Variants in CTNNA1 observed in about 807,000 individuals in gnomAD.
The protein encoded by CTNNA1 is catenin alpha-1.
CTNNA1 carries 37 observed loss-of-function variants against 98.4 expected under a neutral mutation model. That is an observed-to-expected ratio of 0.38 (90% CI 0.29 to 0.49). The LOEUF (loss-of-function observed/expected upper bound fraction) is 0.49, where lower values mean the gene tolerates loss of function less well. Among genes scored for constraint, CTNNA1 ranks in the 20% least tolerant of loss-of-function variants. The pLI is 0.95. For synonymous variants in CTNNA1, 404 were observed against 413.2 expected (o/e 0.98, Z 0.27); for missense variants, 761 against 1,147.2 (o/e 0.66, Z 4.86).
intron 13 of CTNNA1, among the ~76,000 whole-genome samples, chr5:138,926,130 G>C (rs1188399347): frequency 6.6e-6 from 1 of 152,126 alleles, no homozygotes; most frequent in Non-Finnish European, 1.5e-5. Context: ...CATTGTCTTT[G>C]TCATCCCCAG....
intron 3 of CTNNA1, among the ~76,000 whole-genome samples, chr5:138,795,090 C>CAAT (rs1221494772): frequency 3.6e-5 from 5 of 139,368 alleles, no homozygotes; most frequent in Non-Finnish European, 6.0e-5. Context: ...GTGAAGCTTG[C>CAAT]AATAAGCCAA....
At position 138,832,444 on chromosome 5, in the gene CTNNA1, G is replaced by A. The variant is rs1209576696; in HGVS notation, c.1062+4726G>A. On this transcript the variant is annotated intron_variant, in intron 7 of 17. Transcript: ENST00000302763. Reference sequence around the variant, plus strand: ...TTGTGGTTAAGTTTAATTTGTTTTGGCTCTGTCAGCCTAAAGTTGCTTTGC... The same window carrying A: ...TTGTGGTTAAGTTTAATTTGTTTTGACTCTGTCAGCCTAAAGTTGCTTTGC... Among the ~76,000 whole-genome samples, 5 of 152,250 alleles carry A rather than the reference G, an allele frequency of 3.3e-5. No individual in the cohort carries two copies. The East Asian group carries it at 5.8e-4, about 18-fold the overall frequency.
chr5:138,782,700 T>C (rs142513868), intron 2 of CTNNA1, among the ~76,000 whole-genome samples: 10 of 152,328 alleles, frequency 6.6e-5, no homozygotes, highest in Non-Finnish European at 1.3e-4. Context: ...CAATCATTCG[T>C]TTATTGGGAC....
At chr5:138,865,379 A>G (rs902645456) in intron 7 of CTNNA1, among the ~76,000 whole-genome samples, 1 of 152,224 alleles carries the variant, frequency 6.6e-6, no homozygotes, top group Non-Finnish European at 1.5e-5. Context: ...GCCTTTATCA[A>G]GGGTCCTGAT....
chr5:138,766,453 T>TTC, intron 1 of CTNNA1, among the ~76,000 whole-genome samples: 1 of 148,312 alleles, frequency 6.7e-6, no homozygotes, highest in East Asian at 2.0e-4. Flanking sequence ...CATGTTTTGT[T>TTC]TTTTTTTTTT....
intron 3 of CTNNA1, among the ~76,000 whole-genome samples, chr5:138,808,749 A>T (rs1490033728): frequency 6.6e-6 from 1 of 151,792 alleles, no homozygotes; most frequent in Non-Finnish European, 1.5e-5. Flanking sequence ...TTAGGCTTTA[A>T]TGTGAACTGA....
At chr5:138,866,814 C>A (rs1764827243) in intron 7 of CTNNA1, among the ~76,000 whole-genome samples, 1 of 152,170 alleles carries the variant, frequency 6.6e-6, no homozygotes, top group African/African-American at 2.4e-5. Context: ...GGATAAAGGT[C>A]AAATTCATGC....
At chr5:138,781,554 CAA>C (rs5871681) in intron 1 of CTNNA1, among the ~76,000 whole-genome samples, 251 of 130,080 alleles carry the variant, frequency 1.9e-3, no homozygotes, top group Middle Eastern at 3.9e-3. Context: ...GACTCTGTCT[CAA>C]AAAAAAAAAA....
intron 9 of CTNNA1, among the ~76,000 whole-genome samples, chr5:138,891,637 G>A (rs1755390237): frequency 6.6e-6 from 1 of 152,262 alleles, no homozygotes; most frequent in Non-Finnish European, 1.5e-5. Flanking sequence ...GCGGGTGCCT[G>A]TAATCCCAGC....
At chr5:138,863,434 C>CA (rs994533549) in intron 7 of CTNNA1, among the ~76,000 whole-genome samples, 4 of 152,034 alleles carry the variant, frequency 2.6e-5, no homozygotes, top group Admixed American at 2.0e-4. Context: ...TTTGTAGAGA[C>CA]AGAGTTTTGC....
At chr5:138,819,113 G>T (rs1261862018) in intron 5 of CTNNA1, among the ~76,000 whole-genome samples, 1 of 152,054 alleles carries the variant, frequency 6.6e-6, no homozygotes, top group African/African-American at 2.4e-5. Context: ...CAGGGAGCAG[G>T]GTGTATGTAG....
intron 8 of CTNNA1, among the ~76,000 whole-genome samples, 181 bp from the exon 9 acceptor site, chr5:138,887,309 A>G (rs1449502178): frequency 6.6e-6 from 1 of 152,124 alleles, no homozygotes; most frequent in Non-Finnish European, 1.5e-5. Flanking sequence ...CATTGTCTCC[A>G]TGATCATGTT....
At chr5:138,841,446 G>C (rs1762263107) in intron 7 of CTNNA1, among the ~76,000 whole-genome samples, 1 of 152,094 alleles carries the variant, frequency 6.6e-6, no homozygotes. Context: ...TTTTAGTAGA[G>C]ATGGGGTTTC....
chr5:138,796,477 G>A (rs868217660), intron 3 of CTNNA1, among the ~76,000 whole-genome samples: 4 of 152,016 alleles, frequency 2.6e-5, no homozygotes, highest in Non-Finnish European at 4.4e-5. Flanking sequence ...CCGGGAGGTG[G>A]AGCTTGCAGT....
chr5:138,759,414 G>A lies in CTNNA1; in HGVS notation c.-3+5904G>A, dbSNP rs537096023. 9.3e-4 allele frequency among the ~76,000 whole-genome samples: 141 copies of A among 152,116 alleles called. 2 individuals are homozygous for A. Among genetic ancestry groups the A allele is most frequent in the Middle Eastern group, 3.4e-3 (1 of 294 alleles). ...GGTAACTTTTTTCCTTATCTCCCCCGCACCCTCATGATTGCTTTTGAATAT... is the reference window on the plus strand; with the variant it reads ...GGTAACTTTTTTCCTTATCTCCCCCACACCCTCATGATTGCTTTTGAATAT... On this transcript the variant is annotated intron_variant, in intron 1 of 17. Coordinates refer to ENST00000302763, the MANE Select transcript of CTNNA1 (RefSeq NM_001903.5).
chr5:138,825,787 A>G (rs1581172543), intron 6 of CTNNA1, among the ~76,000 whole-genome samples: 1 of 152,158 alleles, frequency 6.6e-6, no homozygotes, highest in Admixed American at 6.5e-5. Flanking sequence ...TCTAAAGACC[A>G]TGGTGTTAGA....
chr5:138,824,104 T>C (rs532689550), intron 5 of CTNNA1, among the ~76,000 whole-genome samples: 35 of 152,136 alleles, frequency 2.3e-4, no homozygotes, highest in Non-Finnish European at 4.7e-4. Context: ...AGAGTTGTAA[T>C]CAAGATGCTA....
chr5:138,814,669 C>T (rs1759229125), intron 5 of CTNNA1, among the ~76,000 whole-genome samples: 1 of 152,146 alleles, frequency 6.6e-6, no homozygotes. Context: ...TTTATGAAGA[C>T]TGACTGTTAT....
At chr5:138,914,119 C>T (rs1761249864) in intron 10 of CTNNA1, among the ~76,000 whole-genome samples, 1 of 152,162 alleles carries the variant, frequency 6.6e-6, no homozygotes, top group African/African-American at 2.4e-5. Context: ...AATGAGAAAA[C>T]TAACCTTAGG....
Sources: allele counts gnomAD v4.1 joint callset (sites outside exome capture counted in the v4.1 genomes callset), GRCh38; gene constraint gnomAD v4.1.1; transcripts MANE v1.5; gene names NCBI Gene and HGNC (gene_info 2026-07-23, HGNC 2026-07-21).